The following CKM variants were observed in gnomAD, a reference collection of about 807,000 sequenced individuals.
CKM encodes the protein creatine kinase M-type.
CKM carries 28 observed loss-of-function variants against 35.4 expected under a neutral mutation model. That is an observed-to-expected ratio of 0.79 (90% CI 0.59 to 1.08). CKM has a LOEUF of 1.08. Ranked by LOEUF, CKM falls within the 50% of genes least tolerant of loss-of-function variation. CKM has a pLI of 0.00. For synonymous variants in CKM, 215 were observed against 204.4 expected (o/e 1.05, Z -0.44); for missense variants, 484 against 509.8 (o/e 0.95, Z 0.49).
intron 2 of CKM, among the ~76,000 whole-genome samples, chr19:45,318,606 G>C (rs759603146): frequency 1.3e-5 from 2 of 152,112 alleles, no homozygotes; most frequent in African/African-American, 2.4e-5. Flanking sequence ...AGCACCCAAA[G>C]TCATGACATC....
At chr19:45,322,290 T>C (rs1409638310) in intron 1 of CKM, among the ~76,000 whole-genome samples, 1 of 150,680 alleles carries the variant, frequency 6.6e-6, no homozygotes, top group South Asian at 2.1e-4. Flanking sequence ...CAGATCACAC[T>C]GTAAACTAAG....
chr19:45,310,759 CTTTTTTTTTTTTT>C (rs3047558), intron 5 of CKM, among the ~76,000 whole-genome samples: 10 of 50,284 alleles, frequency 2.0e-4, no homozygotes, highest in East Asian at 2.0e-3. Context: ...TCACGCCTGG[CTTTTTTTTTTTTT>C]TTTTTTTTTT....
At position 45,306,450 on chromosome 19, in the gene CKM, A is replaced by T; in HGVS notation, c.*300T>A. 4.2e-6 allele frequency: 2 copies of T among 476,340 alleles called. No individual in the cohort carries two copies. The highest frequency in any genetic ancestry group is 3.9e-6 in the Non-Finnish European group (1 of 258,962). The allele number at this position is 476,340 out of a possible 1,614,324, so 29.5% of individuals were successfully genotyped here. A position where few individuals can be genotyped will look rare whatever the true frequency, so the allele number is the denominator to read the frequency against. ...TGCTTTTATTTATCGCTTTGCGTGG[A>T]GACAAAGCACAAGCTCCGAGTGTGC... On this transcript the variant is annotated 3_prime_UTR_variant, in exon 8 of 8. Coordinates refer to ENST00000221476, the MANE Select transcript of CKM (RefSeq NM_001824.5). The surrounding 1 kb of genome is among the most constrained non-coding windows in gnomAD (Gnocchi z 4.5).
At chr19:45,315,871 T>G (rs1971153616) in intron 3 of CKM, among the ~76,000 whole-genome samples, 1 of 141,908 alleles carries the variant, frequency 7.0e-6, no homozygotes, top group South Asian at 2.2e-4. Context: ...CGAGACAGGG[T>G]CTCTCTCTGT....
intron 2 of CKM, 85 bp downstream of exon 2, chr19:45,319,436 C>CG: frequency 9.1e-7 from 1 of 1,094,156 alleles, no homozygotes; most frequent in East Asian, 2.5e-5. Flanking sequence ...GCCCCCCCCC[C>CG]TTCAAGGGTG....
chr19:45,319,344 T>G (rs905900168), intron 2 of CKM, among the ~76,000 whole-genome samples, 177 bp downstream of exon 2: 2 of 152,160 alleles, frequency 1.3e-5, no homozygotes, highest in African/African-American at 4.8e-5. Context: ...GTTTGCTGAG[T>G]ACCTCGCACT....
At position 45,306,640 on chromosome 19, in the gene CKM, G is replaced by T; in HGVS notation, c.*110C>A. 8.7e-7 allele frequency: 1 copy of T among 1,147,202 alleles called. No individual in the cohort carries two copies. The highest frequency in any genetic ancestry group is 1.3e-6 in the Non-Finnish European group (1 of 772,064). 71.1% of individuals were successfully genotyped at this position (1,147,202 alleles called of 1,614,324 possible). On this transcript the variant is annotated 3_prime_UTR_variant, in exon 8 of 8. Coordinates refer to ENST00000221476, the MANE Select transcript of CKM (RefSeq NM_001824.5). This position sits in a 1 kb window ranked among gnomAD's most constrained non-coding sequence, Gnocchi z 4.5. The stretch of plus-strand genomic sequence containing the variant: ...CTGAGAAGGGTGGAGAGAGCCCCCA[G>T]GTGGGACTCTGGGACAGGGGGCGGG...
chr19:45,312,584 G>A (rs944795344), intron 4 of CKM, among the ~76,000 whole-genome samples: 7 of 151,840 alleles, frequency 4.6e-5, no homozygotes, highest in East Asian at 2.0e-4. Flanking sequence ...CACCATGCCC[G>A]GCTAATTTTG....
In CKM at chr19:45,308,173, C is replaced by T. The variant is rs928622836; in HGVS notation, c.777+236G>A. On this transcript the variant is annotated intron_variant, in intron 6 of 7. Coordinates refer to ENST00000221476, the MANE Select transcript of CKM (RefSeq NM_001824.5). Reference sequence around the variant, plus strand: ...ACCGCTCCCGGCCTGAAGGCGGATCCTTACGGGCGGGGCTTGGGCATAGGG... The same window carrying T: ...ACCGCTCCCGGCCTGAAGGCGGATCTTTACGGGCGGGGCTTGGGCATAGGG... Among the ~76,000 whole-genome samples the T allele has an allele frequency of 2.0e-5, 3 of 149,298 alleles. No homozygotes were observed. In the Admixed American group the frequency reaches 2.0e-4, roughly 10 times the overall value.
chr19:45,307,033 T>C, intron 7 of CKM, 105 bp from the exon 8 acceptor site: 2 of 1,133,634 alleles, frequency 1.8e-6, no homozygotes, highest in South Asian at 1.2e-5. Flanking sequence ...GAGTGCCTAC[T>C]GTGTAACAGG....
intron 4 of CKM, among the ~76,000 whole-genome samples, chr19:45,314,043 A>AGAAGGAAG (rs947332825): frequency 6.8e-6 from 1 of 147,574 alleles, no homozygotes; most frequent in African/African-American, 2.5e-5. Context: ...AGAGAGAAAG[A>AGAAGGAAG]GAAGGAAGGA....
chr19:45,313,984 C>T (rs1367517933), intron 4 of CKM, among the ~76,000 whole-genome samples: 1 of 151,746 alleles, frequency 6.6e-6, no homozygotes, highest in Non-Finnish European at 1.5e-5. Flanking sequence ...CATGATTGCA[C>T]CACTGCATTC....
chr19:45,308,975 C>A (rs1277408262), intron 5 of CKM, among the ~76,000 whole-genome samples: 1 of 152,222 alleles, frequency 6.6e-6, no homozygotes, highest in African/African-American at 2.4e-5. Context: ...CGCCTGTAAT[C>A]CCAGCACTTT....
At chr19:45,318,096 T>TTCCC in intron 2 of CKM, 117 bp from the exon 3 acceptor site, 1 of 759,350 alleles carries the variant, frequency 1.3e-6, no homozygotes, top group Non-Finnish European at 2.2e-6. Flanking sequence ...GTACATTCAA[T>TTCCC]ACCTCTGGGT....
intron 6 of CKM, 36 bp downstream of exon 6, chr19:45,308,373 G>A: frequency 6.2e-7 from 1 of 1,613,692 alleles, no homozygotes. Context: ...CGTTCAAGGT[G>A]GAGTCAGAAG....
chr19:45,313,978 A>G (rs1971133256), intron 4 of CKM, among the ~76,000 whole-genome samples: 1 of 152,010 alleles, frequency 6.6e-6, no homozygotes, highest in Non-Finnish European at 1.5e-5. Context: ...GTAAGTCATG[A>G]TTGCACCACT....
At position 45,306,489 on chromosome 19, in the gene CKM, T is replaced by G; in HGVS notation, c.*261A>C. The G allele has an allele frequency of 1.9e-6, 1 of 540,392 alleles. No individual in the cohort carries two copies. Among genetic ancestry groups the G allele is most frequent in the Non-Finnish European group, 3.3e-6 (1 of 298,614 alleles). The allele number at this position is 540,392 out of a possible 1,614,324, so 33.5% of individuals were successfully genotyped here. The stretch of plus-strand genomic sequence containing the variant: ...CTCCGAGTGTGCTGGGAGCTCTCCA[T>G]TAACTAGAGCTCCTGGTTGGGGTGG... On this transcript the variant is annotated 3_prime_UTR_variant, in exon 8 of 8. Coordinates refer to ENST00000221476, the MANE Select transcript of CKM (RefSeq NM_001824.5). The surrounding 1 kb of genome is among the most constrained non-coding windows in gnomAD (Gnocchi z 4.5).
intron 1 of CKM, among the ~76,000 whole-genome samples, chr19:45,320,946 G>A (rs344817): frequency 0.26 from 39,342 of 151,586 alleles, 9,943 homozygotes; most frequent in African/African-American, 0.66. Context: ...TGTCGCCCAG[G>A]CTAGAGTGCA....
In CKM at chr19:45,311,905, G is replaced by A. The variant is rs17357122; in HGVS notation, c.497C>T (p.Thr166Met). The A allele has an allele frequency of 8.3e-3, 13,403 of 1,613,996 alleles. 63 individuals are homozygous for A. Among genetic ancestry groups the A allele is most frequent in the Non-Finnish European group, 0.01 (12,012 of 1,179,966 alleles). ...GTAGTACTTCCCTTTGAACTCGCCCGTCAGGCTGTTGAGAGCTATGGGGAC... is the reference window on the plus strand; with the variant it reads ...GTAGTACTTCCCTTTGAACTCGCCCATCAGGCTGTTGAGAGCTATGGGGAC... ...KLSVEALNSL[T>M]GEFKGKYYPL... Residue 166 changes from threonine (T) to methionine (M), a missense_variant, in exon 5 of 8, where the codon ACG becomes ATG. Thr to Met is a moderately conservative substitution (Grantham distance 81, BLOSUM62 -1). Transcript: ENST00000221476.
Sources: allele counts gnomAD v4.1 joint callset (sites outside exome capture counted in the v4.1 genomes callset), GRCh38; gene constraint gnomAD v4.1.1; non-coding constraint Gnocchi (gnomAD v3.1); transcripts MANE v1.5; gene names NCBI Gene and HGNC (gene_info 2026-07-23, HGNC 2026-07-21).